FAM124A: variants seen among roughly 807,000 people sequenced by gnomAD.
The protein encoded by FAM124A is protein FAM124A.
FAM124A carries 23 observed loss-of-function variants against 24.5 expected under a neutral mutation model. The observed-to-expected ratio is 0.94, with a 90% CI of 0.68 to 1.33. FAM124A has a LOEUF of 1.33. Ranked by LOEUF, FAM124A falls within the 40% of genes most tolerant of loss-of-function variation. The pLI, the probability that FAM124A is intolerant of heterozygous loss-of-function variation, is 0.00. For missense variants in FAM124A, 623 were observed against 722.8 expected, an observed-to-expected ratio of 0.86 and a Z score of 1.58; for synonymous variants, 287 against 314.7, an observed-to-expected ratio of 0.91 and a Z score of 0.93.
chr13:51,279,599 G>T (rs772606088), intron 3 of FAM124A, among the ~76,000 whole-genome samples: 5 of 152,158 alleles, frequency 3.3e-5, no homozygotes, highest in African/African-American at 9.6e-5. Flanking sequence ...GTGCAAATGC[G>T]CATTGGAAGA....
In FAM124A at chr13:51,282,758, T is replaced by G. The variant is rs1194391881; in HGVS notation, c.*1502T>G. 1 of 152,236 alleles carries G rather than the reference T, an allele frequency of 6.6e-6. No individual in the cohort carries two copies. Among genetic ancestry groups the G allele is most frequent in the African/African-American group, 2.4e-5 (1 of 41,452 alleles). The allele number at this position is 152,236 out of a possible 1,614,324, so 9.4% of individuals were successfully genotyped here. A position where few individuals can be genotyped will look rare whatever the true frequency, so the allele number is the denominator to read the frequency against. On this transcript the variant is annotated 3_prime_UTR_variant, in exon 4 of 4. Coordinates refer to ENST00000322475, the MANE Select transcript of FAM124A (RefSeq NM_001242312.2). ...AGTCTTCAGCTGAAGCTTCAAGTCT[T>G]TGCCATCCTTGTAATGACAGCCTTA... is the stretch of plus-strand genomic sequence containing the variant.
intron 3 of FAM124A, among the ~76,000 whole-genome samples, chr13:51,274,456 G>A (rs1282714472): frequency 6.6e-6 from 1 of 152,088 alleles, no homozygotes; most frequent in Non-Finnish European, 1.5e-5. Context: ...TTCAGATTTG[G>A]GATTAGGAAT....
chr13:51,241,631 A>G (rs542679580), intron 2 of FAM124A, among the ~76,000 whole-genome samples: 11 of 152,296 alleles, frequency 7.2e-5, no homozygotes, highest in African/African-American at 2.6e-4. Flanking sequence ...TGTTCTCCAA[A>G]TGGGCCCAAA....
At chr13:51,271,129 A>G (rs1390154702) in intron 3 of FAM124A, among the ~76,000 whole-genome samples, 1 of 152,242 alleles carries the variant, frequency 6.6e-6, no homozygotes, top group Non-Finnish European at 1.5e-5. Flanking sequence ...AGCCAAGATA[A>G]TTGTATACAA....
intron 1 of FAM124A, among the ~76,000 whole-genome samples, chr13:51,227,878 C>T (rs1048449390): frequency 6.6e-6 from 1 of 151,990 alleles, no homozygotes; most frequent in Non-Finnish European, 1.5e-5. Flanking sequence ...TAAGACATAA[C>T]AAAAAATCAG....
rs751895993 is a variant in FAM124A at position 51,251,775 on chromosome 13, G to T, written c.408G>T (p.Val136=). 3 of 1,587,282 alleles carry T rather than the reference G, an allele frequency of 1.9e-6. No homozygotes were observed. The highest frequency in any genetic ancestry group is 1.7e-4 in the Middle Eastern group (1 of 6,038). ...PPWRHHHTEQ[V]HGRFLPYLPC... ...GGCGCCACCACCACACCGAGCAGGT[G>T]CACGGCCGGTTCCTGCCCTACCTGC... Residue 136 remains valine (V), a synonymous_variant, in exon 3 of 4, where the codon GTG becomes GTT. Transcript: ENST00000322475. This position sits in a 1 kb window ranked among gnomAD's most constrained non-coding sequence, Gnocchi z 5.3.
intron 3 of FAM124A, among the ~76,000 whole-genome samples, chr13:51,259,325 G>T (rs117777014): frequency 6.6e-6 from 1 of 151,996 alleles, no homozygotes; most frequent in Non-Finnish European, 1.5e-5. Context: ...ACCCTCCAGC[G>T]GCTGCTCATC....
intron 3 of FAM124A, among the ~76,000 whole-genome samples, chr13:51,264,940 T>A (rs772171129): frequency 2.6e-5 from 4 of 152,246 alleles, no homozygotes; most frequent in Non-Finnish European, 5.9e-5. Context: ...CAAAGACTGG[T>A]CTCTGAGCCA....
rs1246779552 is a variant in FAM124A, at chr13:51,272,730, G to A, written c.835-7720G>A. Among the ~76,000 whole-genome samples the A allele has an allele frequency of 3.9e-5, 6 of 152,110 alleles. No homozygotes were observed. The highest frequency in any genetic ancestry group is 1.3e-4 in the Admixed American group (2 of 15,284). On this transcript the variant is annotated intron_variant, in intron 3 of 3. Coordinates refer to ENST00000322475, the MANE Select transcript of FAM124A (RefSeq NM_001242312.2). The surrounding 1 kb of genome is among the most constrained non-coding windows in gnomAD (Gnocchi z 4.2). Reference sequence around the variant, plus strand: ...AGGTAGGAGTGCTAGACCGCAGGACGCCAAGCACAGTCAAGGTGGGAGTGC... The same window carrying A: ...AGGTAGGAGTGCTAGACCGCAGGACACCAAGCACAGTCAAGGTGGGAGTGC...
chr13:51,262,509 T>C (rs960912570), intron 3 of FAM124A, among the ~76,000 whole-genome samples: 4 of 152,190 alleles, frequency 2.6e-5, no homozygotes, highest in Non-Finnish European at 5.9e-5. Context: ...TTCTTTAAAT[T>C]TTTTCTTCTT....
chr13:51,232,820 C>G (rs150463091), intron 2 of FAM124A, among the ~76,000 whole-genome samples: 4 of 152,320 alleles, frequency 2.6e-5, no homozygotes, highest in Non-Finnish European at 5.9e-5. Flanking sequence ...TTGTGTGAAG[C>G]CTTAGTTCAA....
In FAM124A at chr13:51,269,565, T is replaced by C. The variant is rs560443098; in HGVS notation, c.835-10885T>C. ...GAGTTACTTAAGTACTTTAAAGATT[T>C]TGTTTATGAATAAGACCACTGAACT... On this transcript the variant is annotated intron_variant, in intron 3 of 3. Transcript: ENST00000322475. 2.0e-4 allele frequency among the ~76,000 whole-genome samples: 30 copies of C among 152,372 alleles called. No individual in the cohort carries two copies. In the South Asian group the frequency reaches 5.6e-3, roughly 28 times the overall value.
chr13:51,235,307 C>T lies in FAM124A; in HGVS notation c.100+3928C>T, dbSNP rs547354265. ...AATGAGATCATCAAGCCACTATGTACAATTTACATTCTTATGCAGTTTAAA... is the reference window on the plus strand; with the variant it reads ...AATGAGATCATCAAGCCACTATGTATAATTTACATTCTTATGCAGTTTAAA... On this transcript the variant is annotated intron_variant, in intron 2 of 3. Transcript: ENST00000322475. 4.5e-4 allele frequency among the ~76,000 whole-genome samples: 68 copies of T among 151,352 alleles called. No individual in the cohort carries two copies. The Middle Eastern group carries it at 0.017, about 38-fold the overall frequency.
Position 51,280,450 on chromosome 13 carries a change from G to C in FAM124A, c.835G>C (p.Ala279Pro). 1.3e-6 allele frequency: 2 copies of C among 1,589,934 alleles called. No individual in the cohort carries two copies. The highest frequency in any genetic ancestry group is 1.7e-6 in the Non-Finnish European group (2 of 1,166,004). ...DHDGNKILLQAQRVHKKFPKP... is the reference protein window; with the variant it reads ...DHDGNKILLQPQRVHKKFPKP... ...ATGTGATCTGCCTCTCCCCCCACAGGCACAAAGGGTGCATAAGAAGTTTCC... is the reference window on the plus strand; with the variant it reads ...ATGTGATCTGCCTCTCCCCCCACAGCCACAAAGGGTGCATAAGAAGTTTCC... The change falls in exon 4 of 4, where the codon GCA (alanine) becomes CCA (proline). Residue 279 changes from alanine to proline, a missense_variant and splice_region_variant. Transcript: ENST00000322475.
At position 51,280,504 on chromosome 13, in the gene FAM124A, G is replaced by A. The variant is rs369573738; in HGVS notation, c.889G>A (p.Glu297Lys). Residue 297 changes from glutamate (E) to lysine (K), a missense_variant, in exon 4 of 4, where the codon GAG becomes AAG. Glu to Lys is a moderately conservative substitution (Grantham distance 56, BLOSUM62 1). Transcript: ENST00000322475. ...PKPGRVHHAS[E>K]KKRHSTPLPS... ...ACCTGGCAGAGTACATCATGCCTCC[G>A]AGAAGAAACGTCATTCCACTCCTTT... 7.4e-6 allele frequency: 12 copies of A among 1,613,608 alleles called. No homozygotes were observed. The highest frequency in any genetic ancestry group is 2.7e-5 in the African/African-American group (2 of 74,888).
intron 1 of FAM124A, among the ~76,000 whole-genome samples, chr13:51,230,839 T>G (rs1954368293): frequency 6.6e-6 from 1 of 152,228 alleles, no homozygotes; most frequent in Non-Finnish European, 1.5e-5. Flanking sequence ...GAAATATCAT[T>G]GTGCCTTTGT....
chr13:51,234,769 C>T (rs1383853350), intron 2 of FAM124A, among the ~76,000 whole-genome samples: 1 of 152,202 alleles, frequency 6.6e-6, no homozygotes, highest in Non-Finnish European at 1.5e-5. Context: ...GGCATCCTCT[C>T]TCGTGGCCTG....
rs1051522579 is a variant in FAM124A, at chr13:51,272,836, A to T, written c.835-7614A>T. 6.6e-6 allele frequency among the ~76,000 whole-genome samples: 1 copy of T among 152,238 alleles called. No individual in the cohort carries two copies. The highest frequency in any genetic ancestry group is 2.4e-5 in the African/African-American group (1 of 41,468). On this transcript the variant is annotated intron_variant, in intron 3 of 3. Coordinates refer to ENST00000322475, the MANE Select transcript of FAM124A (RefSeq NM_001242312.2). The surrounding 1 kb of genome is among the most constrained non-coding windows in gnomAD (Gnocchi z 4.2). ...GGTTCCTAACACCTGCCCAGGCAGG[A>T]GGCTGAGGGAGTCCCCTCTCGGGAG...
intron 3 of FAM124A, among the ~76,000 whole-genome samples, chr13:51,274,241 A>G (rs751702): frequency 0.45 from 68,650 of 152,060 alleles, 17,619 homozygotes; most frequent in African/African-American, 0.7. Flanking sequence ...CACAAGAGTC[A>G]CTACTGATAC....
Sources: allele counts gnomAD v4.1 joint callset (sites outside exome capture counted in the v4.1 genomes callset), GRCh38; gene constraint gnomAD v4.1.1; non-coding constraint Gnocchi (gnomAD v3.1); transcripts MANE v1.5; gene names NCBI Gene and HGNC (gene_info 2026-07-23, HGNC 2026-07-21).